The following CD99 variants were observed in gnomAD, a reference collection of about 807,000 sequenced individuals.
CD99 encodes CD99 molecule (Xg blood group).
Under a neutral mutation model 28.4 loss-of-function variants are expected in CD99, and 19 were observed. The observed-to-expected ratio is 0.67, with a 90% CI of 0.47 to 0.98. The LOEUF is 0.98. CD99 is among the 50% of genes least tolerant of loss of function. The pLI, the probability that CD99 is intolerant of heterozygous loss-of-function variation, is 0.00. For missense variants in CD99, 283 were observed against 248.8 expected (o/e 1.14, Z -0.92); for synonymous variants, 103 against 92.1 (o/e 1.12, Z -0.67).
chrX:2,697,084 G>T (rs1235632887), intron 1 of CD99, among the ~76,000 whole-genome samples: 1 of 152,108 alleles, frequency 6.6e-6, no homozygotes, highest in Non-Finnish European at 1.5e-5. Context: ...AGGAGAAAAT[G>T]CCCACAGGGT....
intron 8 of CD99, among the ~76,000 whole-genome samples, chrX:2,728,984 C>T (rs1179737198): frequency 6.6e-6 from 1 of 152,078 alleles, no homozygotes; most frequent in South Asian, 2.1e-4. Context: ...GTGTGCATCA[C>T]CACACCCGGC....
In CD99 at chrX:2,736,873, TAATA is replaced by T. The variant is rs766963512; in HGVS notation, c.476-1303_476-1300del. On this transcript the variant is annotated intron_variant, in intron 8 of 9. Transcript: ENST00000381192. ...CTCTGTCTCAAAGAAATAATAATAA[TAATA>T]AATAAATAAATAAATAAATAAATTT... 8.1e-4 allele frequency among the ~76,000 whole-genome samples: 120 copies of T among 148,660 alleles called. 1 individual carries two copies. The South Asian group carries it at 0.015, about 19-fold the overall frequency.
intron 1 of CD99, among the ~76,000 whole-genome samples, chrX:2,704,643 C>T (rs1468646148): frequency 2.6e-5 from 4 of 151,930 alleles, no homozygotes; most frequent in African/African-American, 7.3e-5. Flanking sequence ...AGGCTGGTCT[C>T]GAACCCCTGA....
chrX:2,705,827 G>T (rs974827356), intron 1 of CD99, among the ~76,000 whole-genome samples: 10 of 152,128 alleles, frequency 6.6e-5, no homozygotes, highest in African/African-American at 2.4e-4. Flanking sequence ...AAAAGTAAGG[G>T]TGTTTTGACC....
At chrX:2,695,036 C>T (rs1257267575) in intron 1 of CD99, among the ~76,000 whole-genome samples, 2 of 152,126 alleles carry the variant, frequency 1.3e-5, no homozygotes, top group East Asian at 1.9e-4. Flanking sequence ...GATATCTTCC[C>T]CCGGGGAAAT....
intron 1 of CD99, among the ~76,000 whole-genome samples, chrX:2,698,327 C>T (rs1486154295): frequency 2.0e-5 from 3 of 151,906 alleles, no homozygotes; most frequent in Non-Finnish European, 4.4e-5. Flanking sequence ...GTGCCACCCT[C>T]AGCTAATTTT....
At chrX:2,727,358 C>CTA (rs745520419) in intron 8 of CD99, 1 of 778,552 alleles carries the variant, frequency 1.3e-6, no homozygotes, top group Non-Finnish European at 2.4e-6. Flanking sequence ...GTAAGCCCTG[C>CTA]TATTTGGAAC....
intron 1 of CD99, among the ~76,000 whole-genome samples, chrX:2,694,556 C>A (rs2047485668): frequency 2.0e-5 from 3 of 152,050 alleles, no homozygotes. Context: ...AGTTCGAGAC[C>A]AGCCTGGCCA....
chrX:2,738,707 A>T (rs2050065495), intron 9 of CD99, among the ~76,000 whole-genome samples: 1 of 151,626 alleles, frequency 6.6e-6, no homozygotes, highest in African/African-American at 2.4e-5. Flanking sequence ...CCTGGGCGAC[A>T]CAGTGAGACA....
intron 5 of CD99, among the ~76,000 whole-genome samples, chrX:2,721,530 A>G (rs1179869842): frequency 6.6e-6 from 1 of 152,096 alleles, no homozygotes; most frequent in Non-Finnish European, 1.5e-5. Context: ...TCCTGGCCTC[A>G]AGCAGTCCTC....
At chrX:2,706,943 C>T (rs2048148966) in intron 1 of CD99, among the ~76,000 whole-genome samples, 1 of 151,984 alleles carries the variant, frequency 6.6e-6, no homozygotes, top group Non-Finnish European at 1.5e-5. Flanking sequence ...GCCTCAGCCT[C>T]CCAAGTAACT....
intron 8 of CD99, among the ~76,000 whole-genome samples, chrX:2,731,482 C>T (rs183586743): frequency 2.8e-4 from 43 of 151,962 alleles, no homozygotes; most frequent in East Asian, 2.5e-3. Flanking sequence ...TCCAGGTACT[C>T]GGGAGGCTGA....
At position 2,740,836 on chromosome X, in the gene CD99, G is replaced by T; in HGVS notation, c.*32G>T. The T allele has an allele frequency of 6.2e-7, 1 of 1,613,674 alleles. No individual in the cohort carries two copies. The highest frequency in any genetic ancestry group is 8.5e-7 in the Non-Finnish European group (1 of 1,179,610). On this transcript the variant is annotated 3_prime_UTR_variant, in exon 10 of 10. Transcript: ENST00000381192. Reference sequence around the variant, plus strand: ...GTCGGCAGAAACAGCCCAGGCGTTGGCAGCAGGGTTAGAACAGCTGCCTGA... The same window carrying T: ...GTCGGCAGAAACAGCCCAGGCGTTGTCAGCAGGGTTAGAACAGCTGCCTGA...
At chrX:2,714,523 C>G in intron 2 of CD99, 69 bp downstream of exon 2, 2 of 1,322,046 alleles carry the variant, frequency 1.5e-6, no homozygotes, top group Admixed American at 1.8e-5. Flanking sequence ...ACAGGCATAT[C>G]CCAGCCATTT....
chrX:2,706,098 G>A (rs1203423506), intron 1 of CD99, among the ~76,000 whole-genome samples: 7 of 149,778 alleles, frequency 4.7e-5, no homozygotes, highest in South Asian at 2.1e-4. Context: ...GGTGGCTCAC[G>A]CCTGTCATCC....
intron 8 of CD99, among the ~76,000 whole-genome samples, chrX:2,737,113 A>T (rs774516792): frequency 7.3e-4 from 111 of 152,182 alleles, no homozygotes; most frequent in African/African-American, 1.9e-3. Context: ...GTAAAGGAAG[A>T]AAGTCCCCTT....
At chrX:2,716,853 G>C (rs1416914686) in intron 2 of CD99, among the ~76,000 whole-genome samples, 1 of 152,226 alleles carries the variant, frequency 6.6e-6, no homozygotes, top group Non-Finnish European at 1.5e-5. Context: ...CATTCTCAGA[G>C]GGGGCAGCCT....
chrX:2,699,275 C>T (rs1490188756), intron 1 of CD99, among the ~76,000 whole-genome samples: 1 of 150,846 alleles, frequency 6.6e-6, no homozygotes. Flanking sequence ...GTTCAAGTGC[C>T]TCTCTTGCCT....
intron 7 of CD99, among the ~76,000 whole-genome samples, chrX:2,725,854 T>G (rs2049252962): frequency 6.6e-6 from 1 of 152,106 alleles, no homozygotes; most frequent in African/African-American, 2.4e-5. Context: ...CTCAGGCGAT[T>G]CACCTGCCTC....
Sources: gnomAD v4.1 joint callset for allele counts (sites outside exome capture counted in the v4.1 genomes callset) on GRCh38, gnomAD v4.1.1 for gene constraint, MANE v1.5 for transcripts, NCBI Gene and HGNC (gene_info 2026-07-23, HGNC 2026-07-21) for gene names.